Variants in CRYBG2 observed in about 807,000 individuals in gnomAD.
CRYBG2 encodes the protein crystallin beta-gamma domain containing 2.
A neutral mutation model predicts 153.4 loss-of-function variants in CRYBG2; 106 were observed. The ratio of observed to expected loss-of-function variants is 0.69; its 90% CI spans 0.59 to 0.81. CRYBG2 has a LOEUF of 0.81. CRYBG2 is among the 30% of genes least tolerant of loss of function. The pLI is 0.00. For missense variants in CRYBG2, 1,996 were observed against 2,112.0 expected, an observed-to-expected ratio of 0.95 and a Z score of 1.08; for synonymous variants, 851 against 877.8, an observed-to-expected ratio of 0.97 and a Z score of 0.54.
At chr1:26,342,340 G>A (rs1003756265) in intron 5 of CRYBG2, among the ~76,000 whole-genome samples, 1 of 152,044 alleles carries the variant, frequency 6.6e-6, no homozygotes, top group African/African-American at 2.4e-5. Context: ...TCAGCTCCAC[G>A]GTCAAGAATC....
chr1:26,328,482 G>A (rs915585409), intron 16 of CRYBG2, 150 bp from the exon 17 acceptor site: 24 of 1,263,262 alleles, frequency 1.9e-5, no homozygotes, highest in African/African-American at 6.0e-5. Context: ...TTCCCAGGGC[G>A]GAGAGGGAGG....
rs1024330575 is a variant in CRYBG2, at chr1:26,344,485, G to T, written c.2173C>A (p.Pro725Thr). ...CTGGCCTCTGCTCCTGTTGGCACTGGGGCAGGGGTGCCTCCTGGGCTGGGG... is the reference window on the plus strand; with the variant it reads ...CTGGCCTCTGCTCCTGTTGGCACTGTGGCAGGGGTGCCTCCTGGGCTGGGG... The part of the protein sequence containing the change: ...VSPSPGGTPA[P>T]VPTGAEASTE... The change falls in exon 2 of 20, where the codon CCA (proline) becomes ACA (threonine). Residue 725 changes from proline (P) to threonine (T), a missense_variant. By Grantham distance (38) the Pro-to-Thr change is conservative. Transcript: ENST00000308182. The T allele has an allele frequency of 6.5e-7, 1 of 1,543,092 alleles. No individual in the cohort carries two copies. The highest frequency in any genetic ancestry group is 8.7e-7 in the Non-Finnish European group (1 of 1,143,064).
At chr1:26,352,355 A>G (rs1321681758) in intron 1 of CRYBG2, among the ~76,000 whole-genome samples, 1 of 152,138 alleles carries the variant, frequency 6.6e-6, no homozygotes, top group Non-Finnish European at 1.5e-5. Context: ...CACAACAGAC[A>G]CACAAATCAC....
intron 5 of CRYBG2, 78 bp downstream of exon 5, chr1:26,342,676 G>A (rs577297281): frequency 6.4e-4 from 1,003 of 1,565,112 alleles, no homozygotes; most frequent in Non-Finnish European, 7.9e-4. Context: ...TGGCATTACA[G>A]GCGTGAGTCA....
In CRYBG2 at chr1:26,322,053, C is replaced by A; in HGVS notation, c.4901G>T (p.Gly1634Val). Reference sequence around the variant, plus strand: ...CACGTGGTCCCGGTCGTAGCCCCGGCCTCCTGGGGGTGGGATGGGGATTAA... The same window carrying A: ...CACGTGGTCCCGGTCGTAGCCCCGGACTCCTGGGGGTGGGATGGGGATTAA... ...FEGQILDVKG[G>V]RGYDRDHVVL... The change falls in exon 20 of 20, where the codon GGC (glycine) becomes GTC (valine). Residue 1634 changes from glycine (G) to valine (V), a missense_variant. Gly to Val is a moderately radical substitution (Grantham distance 109). Transcript: ENST00000308182. 6.2e-7 allele frequency: 1 copy of A among 1,606,232 alleles called. No individual in the cohort carries two copies. The highest frequency in any genetic ancestry group is 2.2e-5 in the East Asian group (1 of 44,624).
Position 26,338,488 on chromosome 1 carries a change from CAGAG to C in CRYBG2, c.3345-15_3345-12del, listed in dbSNP as rs764219538. On this transcript the variant is annotated splice_polypyrimidine_tract_variant and intron_variant, in intron 6 of 19. Coordinates refer to ENST00000308182, the MANE Select transcript of CRYBG2 (RefSeq NM_001039775.4). ...GGGTACAGTAGCCACCTAGGGGAAA[CAGAG>C]AGGCTGCTGCACCCTAGCAGAGAGA... 202 of 1,594,658 alleles carry C rather than the reference CAGAG, an allele frequency of 1.3e-4. No homozygotes were observed. The highest frequency in any genetic ancestry group is 1.7e-4 in the Non-Finnish European group (195 of 1,171,270).
At position 26,322,070 on chromosome 1, in the gene CRYBG2, G is replaced by A; in HGVS notation, c.4898-14C>T. The A allele has an allele frequency of 6.2e-7, 1 of 1,604,782 alleles. No homozygotes were observed. Among genetic ancestry groups the A allele is most frequent in the Non-Finnish European group, 8.5e-7 (1 of 1,172,860 alleles). On this transcript the variant is annotated splice_polypyrimidine_tract_variant and intron_variant, in intron 19 of 19. Transcript: ENST00000308182. The stretch of plus-strand genomic sequence containing the variant: ...AGCCCCGGCCTCCTGGGGGTGGGAT[G>A]GGGATTAAAAGATAGGGAGATAGTC...
chr1:26,323,264 G>A (rs968869154), intron 18 of CRYBG2, among the ~76,000 whole-genome samples: 1 of 151,348 alleles, frequency 6.6e-6, no homozygotes, highest in Non-Finnish European at 1.5e-5. Flanking sequence ...TATTTTTTGT[G>A]GAGATGGCAT....
At chr1:26,340,907 G>A (rs1570194195) in intron 5 of CRYBG2, among the ~76,000 whole-genome samples, 1 of 150,836 alleles carries the variant, frequency 6.6e-6, no homozygotes, top group Non-Finnish European at 1.5e-5. Flanking sequence ...GTGAGCCACC[G>A]CGTCCAGCCT....
At position 26,346,202 on chromosome 1, in the gene CRYBG2, C is replaced by T; in HGVS notation, c.456G>A (p.Glu152=). The T allele has an allele frequency of 6.4e-7, 1 of 1,571,676 alleles. No individual in the cohort carries two copies. Among genetic ancestry groups the T allele is most frequent in the Admixed American group, 1.8e-5 (1 of 57,044 alleles). The change falls in exon 2 of 20, where the codon GAG becomes GAA. Residue 152 remains glutamate (E), a synonymous_variant. Transcript: ENST00000308182. The surrounding 1 kb of genome is among the most constrained non-coding windows in gnomAD (Gnocchi z 4.9). ...ELLVPLPGPR[E]PSPHPGVGLT... is the part of the protein sequence containing the mutation. Reference sequence around the variant, plus strand: ...GACCTACACCTGGGTGGGGACTTGGCTCTCGGGGCCCAGGCAGGGGAACCA... The same window carrying T: ...GACCTACACCTGGGTGGGGACTTGGTTCTCGGGGCCCAGGCAGGGGAACCA...
chr1:26,353,923 G>T (rs116612267), intron 1 of CRYBG2, 113 bp downstream of exon 1: 253 of 398,698 alleles, frequency 6.3e-4, no homozygotes, highest in African/African-American at 4.8e-3. Flanking sequence ...GGCAGAGTCG[G>T]CTCAGGGTCC....
intron 5 of CRYBG2, among the ~76,000 whole-genome samples, chr1:26,340,107 C>G (rs1257528255): frequency 6.6e-6 from 1 of 152,224 alleles, no homozygotes; most frequent in Non-Finnish European, 1.5e-5. Context: ...GGTACGGTTC[C>G]TGCCTCTGTC....
At position 26,324,526 on chromosome 1, in the gene CRYBG2, A is replaced by G. The variant is rs867593148; in HGVS notation, c.4579-216T>C. Among the ~76,000 whole-genome samples, 394 of 151,866 alleles carry G rather than the reference A, an allele frequency of 2.6e-3. 2 individuals carry two copies. The highest frequency in any genetic ancestry group is 8.8e-3 in the African/African-American group (364 of 41,302). On this transcript the variant is annotated intron_variant, in intron 17 of 19. Transcript: ENST00000308182. ...CTCTCACACACACACACACACACAC[A>G]CACACACACAGTTCCATGGTCATAG...
intron 15 of CRYBG2, among the ~76,000 whole-genome samples, chr1:26,330,361 C>T (rs2073984789): frequency 6.6e-6 from 1 of 152,184 alleles, no homozygotes; most frequent in African/African-American, 2.4e-5. Context: ...CGTGTCATTG[C>T]AAGGGACTTG....
chr1:26,324,421 G>C, intron 17 of CRYBG2, 111 bp from the exon 18 acceptor site: 1 of 1,207,404 alleles, frequency 8.3e-7, no homozygotes, highest in Non-Finnish European at 1.1e-6. Context: ...CCTCCCTCCT[G>C]TCCCCAAACC....
chr1:26,331,631 A>G lies in CRYBG2; in HGVS notation c.4185-13T>C. On this transcript the variant is annotated splice_polypyrimidine_tract_variant and intron_variant, in intron 14 of 19. Transcript: ENST00000308182. ...AAACAGGATCCAGCTAGGGAAGGGG[A>G]AGAAATGGAGGGTATCTGAGCCTAC... The G allele has an allele frequency of 6.2e-7, 1 of 1,613,110 alleles. No homozygotes were observed. Among genetic ancestry groups the G allele is most frequent in the Non-Finnish European group, 8.5e-7 (1 of 1,179,884 alleles).
At chr1:26,340,903 C>T (rs113370751) in intron 5 of CRYBG2, among the ~76,000 whole-genome samples, 1,795 of 151,386 alleles carry the variant, frequency 0.012, 37 homozygotes, top group African/African-American at 0.04. Flanking sequence ...AGGCGTGAGC[C>T]ACCGCGTCCA....
At position 26,344,973 on chromosome 1, in the gene CRYBG2, T is replaced by G. The variant is rs1432779173; in HGVS notation, c.1685A>C (p.Gln562Pro). 4 of 1,497,254 alleles carry G rather than the reference T, an allele frequency of 2.7e-6. No homozygotes were observed. The highest frequency in any genetic ancestry group is 3.5e-6 in the Non-Finnish European group (4 of 1,127,058). 92.7% of individuals were successfully genotyped at this position (1,497,254 alleles called of 1,614,324 possible). ...PGAPAASSPT[Q>P]KEVVQGSGAP... is the part of the protein sequence containing the mutation. ...ACCAGACCCCTGCACCACCTCCTTCTGGGTGGGGGATGAGGCAGCAGGAGC... is the reference window on the plus strand; with the variant it reads ...ACCAGACCCCTGCACCACCTCCTTCGGGGTGGGGGATGAGGCAGCAGGAGC... The change falls in exon 2 of 20, where the codon CAG (glutamine) becomes CCG (proline). Residue 562 changes from glutamine (Q) to proline (P), a missense_variant. Gln to Pro is a moderately conservative substitution (Grantham distance 76). Coordinates refer to ENST00000308182, the MANE Select transcript of CRYBG2 (RefSeq NM_001039775.4).
Position 26,343,731 on chromosome 1 carries a change from G to A in CRYBG2, c.2913+14C>T, listed in dbSNP as rs1251475801. On this transcript the variant is annotated intron_variant, in intron 2 of 19. Coordinates refer to ENST00000308182, the MANE Select transcript of CRYBG2 (RefSeq NM_001039775.4). This position sits in a 1 kb window ranked among gnomAD's most constrained non-coding sequence, Gnocchi z 4.1. ...GGCCAGGCACCTCCCTTGCCCACCC[G>A]AGGCCTCACTTACCCACCCCTCCAG... The A allele has an allele frequency of 6.9e-6, 10 of 1,442,874 alleles. No individual in the cohort carries two copies. The highest frequency in any genetic ancestry group is 2.5e-5 in the East Asian group (1 of 39,904). The allele number at this position is 1,442,874 out of a possible 1,614,324, so 89.4% of individuals were successfully genotyped here.
Sources: gnomAD v4.1 joint callset for allele counts (sites outside exome capture counted in the v4.1 genomes callset) on GRCh38, gnomAD v4.1.1 for gene constraint, Gnocchi (gnomAD v3.1) non-coding constraint, MANE v1.5 for transcripts, NCBI Gene and HGNC (gene_info 2026-07-23, HGNC 2026-07-21) for gene names.